The following MIDN variants were observed in gnomAD, a reference collection of about 807,000 sequenced individuals.
The protein encoded by MIDN is midnolin, also known as midbrain nucleolar protein.
Under a neutral mutation model 46.1 loss-of-function variants are expected in MIDN, and 26 were observed. The ratio of observed to expected loss-of-function variants is 0.56; its 90% CI spans 0.41 to 0.78. The LOEUF (loss-of-function observed/expected upper bound fraction) is 0.78. MIDN is among the 30% of genes least tolerant of loss of function. The pLI is 0.00. For missense variants in MIDN, 850 were observed against 771.8 expected (o/e 1.10, Z -1.20); for synonymous variants, 432 against 343.3 (o/e 1.26, Z -2.86).
chr19:1,255,250 C>T (rs931837866), intron 7 of MIDN, among the ~76,000 whole-genome samples, 172 bp from the exon 8 acceptor site: 4 of 152,124 alleles, frequency 2.6e-5, no homozygotes, highest in Non-Finnish European at 5.9e-5. Flanking sequence ...CGCGGGTCAC[C>T]AGGCGCCTGC....
Position 1,257,490 on chromosome 19 carries a change from C to G in MIDN, c.*218C>G. 1.9e-6 allele frequency: 1 copy of G among 517,982 alleles called. No homozygotes were observed. Among genetic ancestry groups the G allele is most frequent in the Non-Finnish European group, 3.4e-6 (1 of 296,084 alleles). The allele number at this position is 517,982 out of a possible 1,614,324, so 32.1% of individuals were successfully genotyped here. A position where few individuals can be genotyped will look rare whatever the true frequency, so the allele number is the denominator to read the frequency against. ...TCTTCATGGGCTTTGCTTCCTACCT[C>G]CTTCACCCTTCACTCCTGCCCTCCT... On this transcript the variant is annotated 3_prime_UTR_variant, in exon 9 of 9. Coordinates refer to ENST00000682408, the MANE Select transcript of MIDN (RefSeq NM_001388306.1).
intron 7 of MIDN, 72 bp downstream of exon 7, chr19:1,255,133 C>T: frequency 5.3e-6 from 8 of 1,511,552 alleles, no homozygotes; most frequent in Non-Finnish European, 7.2e-6. Context: ...TACATCCACC[C>T]ACAGGCGACT....
At position 1,251,915 on chromosome 19, in the gene MIDN, A is replaced by G; in HGVS notation, c.384+14A>G. 1 of 1,611,408 alleles carries G rather than the reference A, an allele frequency of 6.2e-7. No homozygotes were observed. Among genetic ancestry groups the G allele is most frequent in the Non-Finnish European group, 8.5e-7 (1 of 1,178,506 alleles). On this transcript the variant is annotated intron_variant, in intron 4 of 8. Coordinates refer to ENST00000682408, the MANE Select transcript of MIDN (RefSeq NM_001388306.1). The stretch of plus-strand genomic sequence containing the variant: ...ACGGAGACGCAGGTAAGACCTCGCC[A>G]GCCCCTTCCTAACAGGGCAGCCCTG...
rs1419568914 is a variant in MIDN at position 1,254,420 on chromosome 19, C to T, written c.767C>T (p.Pro256Leu). 2.6e-6 allele frequency: 4 copies of T among 1,566,736 alleles called. No individual in the cohort carries two copies. Among genetic ancestry groups the T allele is most frequent in the South Asian group, 1.2e-5 (1 of 86,362 alleles). The change falls in exon 6 of 9, where the codon CCC (proline) becomes CTC (leucine). Residue 256 changes from proline to leucine, a missense_variant. Pro to Leu is a moderately conservative substitution (Grantham distance 98). Transcript: ENST00000682408. The stretch of plus-strand genomic sequence containing the variant: ...CCCACCAGCCCGTCCCCTGCATCTC[C>T]CTCGCCCATCACAGCCGGCTCCTTC... ...PVPTSPSPAS[P>L]SPITAGSFRS...
intron 2 of MIDN, among the ~76,000 whole-genome samples, chr19:1,250,731 G>A (rs2081115530): frequency 6.6e-6 from 1 of 151,378 alleles, no homozygotes; most frequent in South Asian, 2.1e-4. Context: ...GCGGCTGCGA[G>A]GGCGTCCCGG....
Position 1,249,982 on chromosome 19 carries a change from G to C in MIDN, c.-315G>C, listed in dbSNP as rs2081103447. The C allele has an allele frequency of 6.6e-6, 1 of 151,906 alleles. No homozygotes were observed. The highest frequency in any genetic ancestry group is 2.4e-5 in the African/African-American group (1 of 41,384). The allele number at this position is 151,906 out of a possible 1,614,324, so 9.4% of individuals were successfully genotyped here. On this transcript the variant is annotated 5_prime_UTR_variant, in exon 2 of 9. Transcript: ENST00000682408. Reference sequence around the variant, plus strand: ...CAGACGGCACCCAGCGCCACCAGCCGAGCGGCGCCCCCTCCCCAGGACCCT... The same window carrying C: ...CAGACGGCACCCAGCGCCACCAGCCCAGCGGCGCCCCCTCCCCAGGACCCT...
chr19:1,255,092 G>A (rs563136966), intron 7 of MIDN, 31 bp downstream of exon 7: 39 of 1,596,014 alleles, frequency 2.4e-5, no homozygotes, highest in South Asian at 8.9e-5. Context: ...GTGAGCTCAC[G>A]TGTGTCCCGT....
intron 2 of MIDN, chr19:1,251,357 G>A (rs912507687): frequency 3.6e-6 from 2 of 560,742 alleles, no homozygotes; most frequent in South Asian, 2.3e-5. Flanking sequence ...GAGGGAAGGG[G>A]TCCGAATCGC....
At position 1,258,288 on chromosome 19, in the gene MIDN, C is replaced by T. The variant is rs58612681; in HGVS notation, c.*1016C>T. 41,701 of 152,510 alleles carry T rather than the reference C, an allele frequency of 0.27. 5,887 individuals are homozygous for T. Among genetic ancestry groups the T allele is most frequent in the East Asian group, 0.42 (2,170 of 5,174 alleles). The allele number at this position is 152,510 out of a possible 1,614,324, so 9.4% of individuals were successfully genotyped here. A position where few individuals can be genotyped will look rare whatever the true frequency, so the allele number is the denominator to read the frequency against. ...ATGTGGATTTGGGACTGTCTGGGGG[C>T]CCCTCCTGCAGCGAGGATGGGAGGG... On this transcript the variant is annotated 3_prime_UTR_variant, in exon 9 of 9. Coordinates refer to ENST00000682408, the MANE Select transcript of MIDN (RefSeq NM_001388306.1).
Position 1,257,459 on chromosome 19 carries a change from C to T in MIDN, c.*187C>T. The T allele has an allele frequency of 8.8e-6, 5 of 566,994 alleles. No homozygotes were observed. The highest frequency in any genetic ancestry group is 1.2e-5 in the Non-Finnish European group (4 of 322,456). The allele number at this position is 566,994 out of a possible 1,614,324, so 35.1% of individuals were successfully genotyped here. On this transcript the variant is annotated 3_prime_UTR_variant, in exon 9 of 9. Transcript: ENST00000682408. ...TTTAAAAAGTTCTGACCGTGGTTTC[C>T]TGGACTCTTCATGGGCTTTGCTTCC...
At chr19:1,253,129 C>A (rs1000071729) in intron 4 of MIDN, among the ~76,000 whole-genome samples, 1 of 151,974 alleles carries the variant, frequency 6.6e-6, no homozygotes, top group African/African-American at 2.4e-5. Flanking sequence ...TTAGCCTTCC[C>A]CAGGGAGGAA....
At chr19:1,256,039 T>C (rs1360181180) in intron 8 of MIDN, among the ~76,000 whole-genome samples, 1 of 152,184 alleles carries the variant, frequency 6.6e-6, no homozygotes, top group Non-Finnish European at 1.5e-5. Flanking sequence ...TTCAGTGACT[T>C]GGAAAAGCAG....
intron 4 of MIDN, among the ~76,000 whole-genome samples, chr19:1,252,346 C>A (rs1473288697): frequency 1.3e-5 from 2 of 152,142 alleles, no homozygotes; most frequent in African/African-American, 4.8e-5. Context: ...CTTCCGTGAC[C>A]CCCATCGTGA....
intron 4 of MIDN, among the ~76,000 whole-genome samples, chr19:1,252,887 C>G (rs566078955): frequency 6.6e-6 from 1 of 151,790 alleles, no homozygotes; most frequent in East Asian, 1.9e-4. Flanking sequence ...GCCGGGGTCC[C>G]GAGCCAGGGC....
At chr19:1,253,421 ACC>A (rs59156314) in intron 4 of MIDN, among the ~76,000 whole-genome samples, 3,882 of 144,628 alleles carry the variant, frequency 0.027, 158 homozygotes, top group African/African-American at 0.091. Context: ...AACCTCCGCC[ACC>A]CCCCCCCCCA....
intron 4 of MIDN, among the ~76,000 whole-genome samples, chr19:1,253,010 G>A (rs896726252): frequency 6.5e-5 from 9 of 137,770 alleles, no homozygotes; most frequent in African/African-American, 1.4e-4. Context: ...CTCCCTGGGC[G>A]CCTGCGTCAG....
intron 2 of MIDN, 143 bp downstream of exon 2, chr19:1,250,672 G>A: frequency 8.1e-6 from 2 of 247,202 alleles, no homozygotes; most frequent in Non-Finnish European, 1.4e-5. Context: ...CCCTCTGCTC[G>A]GCCTCGCCTG....
rs772073371 is a variant in MIDN at position 1,255,001 on chromosome 19, G to A, written c.925G>A (p.Gly309Ser). 5 of 1,613,256 alleles carry A rather than the reference G, an allele frequency of 3.1e-6. No individual in the cohort carries two copies. Among genetic ancestry groups the A allele is most frequent in the Middle Eastern group, 1.7e-4 (1 of 6,056 alleles). Residue 309 changes from glycine (G) to serine (S), a missense_variant, in exon 7 of 9, where the codon GGC becomes AGC. Transcript: ENST00000682408. ...CCCTGCCCCCCGCTCCCGAAAACCC[G>A]GCGCCGTCATCGAGAGCTTTGTGAA... ...ASPAPRSRKP[G>S]AVIESFVNHA... is the part of the protein sequence containing the mutation.
At position 1,253,984 on chromosome 19, in the gene MIDN, G is replaced by A. The variant is rs2081165513; in HGVS notation, c.415G>A (p.Gly139Ser). ...AGCGGCGCCCGGGCCGGGCCGGGCT[G>A]GCGGAGGAGGCTTCCGGAAATACAG... Reference protein sequence around the residue: ...PPAAPGPGRAGGGGFRKYRFI... With the variant: ...PPAAPGPGRASGGGFRKYRFI... Residue 139 changes from glycine (G) to serine (S), a missense_variant, in exon 5 of 9, where the codon GGC becomes AGC. Coordinates refer to ENST00000682408, the MANE Select transcript of MIDN (RefSeq NM_001388306.1). 1 of 1,396,336 alleles carries A rather than the reference G, an allele frequency of 7.2e-7. No homozygotes were observed. Among genetic ancestry groups the A allele is most frequent in the Non-Finnish European group, 9.2e-7 (1 of 1,083,150 alleles). The allele number at this position is 1,396,336 out of a possible 1,614,324, so 86.5% of individuals were successfully genotyped here.
Sources: gnomAD v4.1 joint callset for allele counts (sites outside exome capture counted in the v4.1 genomes callset) on GRCh38, gnomAD v4.1.1 for gene constraint, MANE v1.5 for transcripts, NCBI Gene and HGNC (gene_info 2026-07-23, HGNC 2026-07-21) for gene names.